TTC12: variants seen among roughly 807,000 people sequenced by gnomAD.
TTC12 encodes tetratricopeptide repeat protein 12.
TTC12 carries 70 observed loss-of-function variants against 90.1 expected under a neutral mutation model. The observed-to-expected ratio is 0.78, with a 90% confidence interval of 0.64 to 0.95. The LOEUF is 0.95. Ranked by LOEUF, TTC12 falls within the 40% of genes least tolerant of loss-of-function variation. The pLI, the probability that TTC12 is intolerant of heterozygous loss-of-function variation, is 0.00. For missense variants in TTC12, 819 were observed against 846.1 expected (o/e 0.97, Z 0.40); for synonymous variants, 296 against 311.5 (o/e 0.95, Z 0.53).
At chr11:113,341,200 A>G (rs1256464885) in intron 11 of TTC12, among the ~76,000 whole-genome samples, 1 of 152,216 alleles carries the variant, frequency 6.6e-6, no homozygotes, top group Admixed American at 6.5e-5. Context: ...ACTGTACTCC[A>G]GCCTAGGCGA....
exon 22 of TTC12, chr11:113,373,156 A>G (rs997777084): frequency 1.5e-5 from 15 of 982,970 alleles, no homozygotes; most frequent in African/African-American, 3.5e-5. Flanking sequence ...CAGTTAAGCA[A>G]CTGGTCCAAG....
intron 2 of TTC12, among the ~76,000 whole-genome samples, chr11:113,317,759 C>T (rs1322871957): frequency 6.6e-6 from 1 of 152,108 alleles, no homozygotes; most frequent in African/African-American, 2.4e-5. Context: ...CTGTGTTTCA[C>T]ACTCTGCACT....
downstream of TTC12, chr11:113,369,079 G>A: frequency 6.5e-6 from 1 of 154,288 alleles, no homozygotes; most frequent in Non-Finnish European, 1.4e-5. Flanking sequence ...CTGGCATCCT[G>A]CAGACACGCA....
At position 113,338,763 on chromosome 11, in the gene TTC12, CT is replaced by C; in HGVS notation, c.577-5del. 6.2e-7 allele frequency: 1 copy of C among 1,612,112 alleles called. No individual in the cohort carries two copies. The highest frequency in any genetic ancestry group is 8.5e-7 in the Non-Finnish European group (1 of 1,178,414). On this transcript the variant is annotated splice_polypyrimidine_tract_variant and intron_variant, in intron 8 of 21. Transcript: ENST00000529221. The stretch of plus-strand genomic sequence containing the variant: ...CCAACCACTCTTCAAGGTCTTGTTT[CT>C]TTTTTCCAGTCTAGAGAGTGTTATA...
At chr11:113,323,188 C>CT (rs1240944099) in intron 2 of TTC12, 100 bp from the exon 3 acceptor site, 1 of 762,866 alleles carries the variant, frequency 1.3e-6, no homozygotes, top group Non-Finnish European at 1.7e-6. Context: ...CTATTTTTTT[C>CT]TTTAAGATCT....
intron 6 of TTC12, 110 bp from the exon 7 acceptor site, chr11:113,329,810 T>A: frequency 1.1e-6 from 1 of 895,948 alleles, no homozygotes; most frequent in Non-Finnish European, 1.9e-6. Context: ...CTGATCCAGG[T>A]AGGGGATAGT....
Position 113,363,925 on chromosome 11 carries a change from AAAGT to A in TTC12, c.1816+3_1816+6del. 3 of 1,607,094 alleles carry A rather than the reference AAAGT, an allele frequency of 1.9e-6. No homozygotes were observed. Among genetic ancestry groups the A allele is most frequent in the Non-Finnish European group, 2.6e-6 (3 of 1,173,668 alleles). ...CGGGAAGAAGTAATAAGACTGGATA[AAAGT>A]AAGTGATGATTTCCTTAAGGGAGCC... is the stretch of plus-strand genomic sequence containing the variant. On this transcript the variant is annotated splice_donor_variant and coding_sequence_variant, in exon 20 of 22. Coordinates refer to ENST00000529221, the MANE Select transcript of TTC12 (RefSeq NM_017868.4). LOFTEE classifies it high-confidence loss of function.
intron 2 of TTC12, among the ~76,000 whole-genome samples, chr11:113,318,288 C>T (rs115263326): frequency 8.2e-4 from 124 of 151,980 alleles, no homozygotes; most frequent in African/African-American, 2.7e-3. Context: ...TTGTATTAGT[C>T]GGCTAGGGCT....
chr11:113,354,373 A>AT (rs1246505084), intron 16 of TTC12, among the ~76,000 whole-genome samples: 9 of 152,174 alleles, frequency 5.9e-5, no homozygotes, highest in East Asian at 1.9e-4. Flanking sequence ...CAAGACTGTG[A>AT]TTTTTTCTAG....
chr11:113,362,566 A>T, intron 19 of TTC12, 64 bp downstream of exon 19: 1 of 1,160,390 alleles, frequency 8.6e-7, no homozygotes, highest in South Asian at 1.3e-5. Context: ...TATTCGGGGA[A>T]CAGAATTAAG....
At chr11:113,359,216 G>T in intron 16 of TTC12, 147 bp from the exon 17 acceptor site, 1 of 579,500 alleles carries the variant, frequency 1.7e-6, no homozygotes, top group Admixed American at 2.9e-5. Flanking sequence ...CATAGAACTG[G>T]TCTCTGATCC....
chr11:113,352,039 G>A, intron 15 of TTC12, 31 bp from the exon 16 acceptor site: 2 of 1,609,478 alleles, frequency 1.2e-6, no homozygotes, highest in South Asian at 1.1e-5. Flanking sequence ...CCTGCTCTCT[G>A]AGGCTCTGCC....
intron 7 of TTC12, among the ~76,000 whole-genome samples, chr11:113,332,567 A>G (rs1248986337): frequency 1.3e-5 from 2 of 152,114 alleles, no homozygotes; most frequent in African/African-American, 4.8e-5. Context: ...TTGTGAATTC[A>G]TGAGGGGTCA....
chr11:113,331,595 C>T (rs1369120161), intron 7 of TTC12, among the ~76,000 whole-genome samples: 2 of 152,222 alleles, frequency 1.3e-5, no homozygotes, highest in Non-Finnish European at 2.9e-5. Flanking sequence ...GTGTGGATGT[C>T]ATTCCCTTCT....
intron 21 of TTC12, 99 bp from the exon 22 acceptor site, chr11:113,366,126 G>A (rs566958671): frequency 6.0e-6 from 8 of 1,325,716 alleles, no homozygotes; most frequent in South Asian, 3.6e-5. Context: ...TAGGACTGAC[G>A]TTCTCAGCCA....
At chr11:113,334,623 C>T (rs1407876665) in intron 7 of TTC12, among the ~76,000 whole-genome samples, 5 of 151,476 alleles carry the variant, frequency 3.3e-5, no homozygotes, top group African/African-American at 1.2e-4. Context: ...ACATGGGGTG[C>T]AGGGCCGGCA....
At chr11:113,346,234 A>C (rs972822967) in intron 13 of TTC12, among the ~76,000 whole-genome samples, 2 of 151,996 alleles carry the variant, frequency 1.3e-5, no homozygotes, top group East Asian at 3.9e-4. Context: ...AATTCCCTGC[A>C]TGTCTCTGCT....
chr11:113,328,353 A>G (rs1366417343), intron 6 of TTC12, among the ~76,000 whole-genome samples: 2 of 152,194 alleles, frequency 1.3e-5, no homozygotes, highest in Non-Finnish European at 2.9e-5. Flanking sequence ...ATAGTCTTTC[A>G]TTTGTTTATA....
intron 7 of TTC12, among the ~76,000 whole-genome samples, chr11:113,330,865 T>A (rs1948018598): frequency 6.6e-6 from 1 of 152,226 alleles, no homozygotes; most frequent in Non-Finnish European, 1.5e-5. Flanking sequence ...TGATTTTCAA[T>A]AACTTAGAAT....
Sources: gnomAD v4.1 joint callset for allele counts (sites outside exome capture counted in the v4.1 genomes callset) on GRCh38, gnomAD v4.1.1 for gene constraint, MANE v1.5 for transcripts, NCBI Gene and HGNC (gene_info 2026-07-23, HGNC 2026-07-21) for gene names.